The following SHC3 variants were observed in gnomAD, a reference collection of about 807,000 sequenced individuals.
SHC3 encodes SHC adaptor protein 3.
In SHC3, 15 loss-of-function variants were observed where a neutral mutation model predicts 60.4. The ratio of observed to expected loss-of-function variants is 0.25; its 90% CI spans 0.17 to 0.38. The LOEUF is 0.38. SHC3 is among the 10% of genes least tolerant of loss of function. The pLI is 1.00. For synonymous variants in SHC3, 294 were observed against 325.9 expected, an observed-to-expected ratio of 0.90 and a Z score of 1.05; for missense variants, 677 against 786.1, an observed-to-expected ratio of 0.86 and a Z score of 1.66.
At position 89,007,776 on chromosome 9, in the gene SHC3, A is replaced by G. The variant is rs9410438; in HGVS notation, c.*5671T>C. The G allele has an allele frequency of 0.14, 20,996 of 152,148 alleles. 1,997 individuals carry two copies. The highest frequency in any genetic ancestry group is 0.27 in the African/African-American group (11,102 of 41,432). The allele number at this position is 152,148 out of a possible 1,614,324, so 9.4% of individuals were successfully genotyped here. On this transcript the variant is annotated 3_prime_UTR_variant, in exon 12 of 12. Transcript: ENST00000375835. ...CCTTCTTCTTTCTTTGTCTTCCCCC[A>G]CTGGCTTCTCTGTCATTTCCCACAG...
intron 9 of SHC3, among the ~76,000 whole-genome samples, chr9:89,045,279 CTTTTTTT>C (rs35967148): frequency 8.2e-6 from 1 of 122,280 alleles, no homozygotes; most frequent in Non-Finnish European, 1.7e-5. Flanking sequence ...AACACTGTTG[CTTTTTTT>C]TTTTTTTTTT....
chr9:89,129,021 T>C (rs1264540220), intron 1 of SHC3, among the ~76,000 whole-genome samples: 4 of 152,044 alleles, frequency 2.6e-5, no homozygotes, highest in Non-Finnish European at 5.9e-5. Flanking sequence ...AAAGATTGGA[T>C]GAATGGCTAA....
Position 89,045,878 on chromosome 9 carries a change from C to T in SHC3, c.1114-45G>A. The T allele has an allele frequency of 2.5e-6, 4 of 1,588,430 alleles. 1 individual carries two copies. In the South Asian group the frequency reaches 4.4e-5, roughly 18 times the overall value. ...CACAGAATGAAAAAATTATTTTCTT[C>T]TCATTTCACCACTTTTGAAAGCCAC... On this transcript the variant is annotated intron_variant, in intron 8 of 11. Transcript: ENST00000375835.
intron 11 of SHC3, among the ~76,000 whole-genome samples, chr9:89,018,707 T>C (rs1186472923): frequency 6.6e-6 from 1 of 151,196 alleles, no homozygotes; most frequent in Non-Finnish European, 1.5e-5. Context: ...TTCTTTTTTT[T>C]TTTTAAAGAA....
At chr9:89,118,748 G>A (rs1398707463) in intron 1 of SHC3, among the ~76,000 whole-genome samples, 2 of 152,050 alleles carry the variant, frequency 1.3e-5, no homozygotes. Context: ...TAGAAATATT[G>A]AGCCAAGAAT....
chr9:89,077,993 AC>A (rs1345094860), intron 2 of SHC3, 90 bp from the exon 3 acceptor site: 38 of 1,428,058 alleles, frequency 2.7e-5, no homozygotes, highest in Non-Finnish European at 3.4e-5. Context: ...AAAGAAAATA[AC>A]TGCCTGTTTA....
intron 11 of SHC3, among the ~76,000 whole-genome samples, chr9:89,017,622 G>C (rs1826118777): frequency 6.6e-6 from 1 of 152,100 alleles, no homozygotes; most frequent in Non-Finnish European, 1.5e-5. Flanking sequence ...AAAAGCAATG[G>C]CAACAAAAGC....
chr9:89,025,336 C>A (rs573371757), intron 11 of SHC3, among the ~76,000 whole-genome samples: 1 of 152,286 alleles, frequency 6.6e-6, no homozygotes, highest in South Asian at 2.1e-4. Flanking sequence ...TGGATCCAGC[C>A]TAACCCAGGT....
intron 11 of SHC3, among the ~76,000 whole-genome samples, chr9:89,026,247 T>C (rs1587680788): frequency 2.5e-5 from 2 of 80,236 alleles, no homozygotes; most frequent in Admixed American, 3.6e-4. Flanking sequence ...AGAGTGAAAC[T>C]ACATCTCAAA....
At chr9:89,062,567 G>C (rs1825108627) in intron 6 of SHC3, among the ~76,000 whole-genome samples, 1 of 152,162 alleles carries the variant, frequency 6.6e-6, no homozygotes, top group Non-Finnish European at 1.5e-5. Context: ...AATCAGCACG[G>C]AAAAAGACAA....
At chr9:89,016,935 A>C (rs947417841) in intron 11 of SHC3, among the ~76,000 whole-genome samples, 3 of 152,194 alleles carry the variant, frequency 2.0e-5, no homozygotes, top group African/African-American at 7.2e-5. Flanking sequence ...ATGCAGACAA[A>C]GCATTTGACA....
At chr9:89,168,864 C>T (rs1276193226) in intron 1 of SHC3, among the ~76,000 whole-genome samples, 1 of 152,198 alleles carries the variant, frequency 6.6e-6, no homozygotes, top group East Asian at 1.9e-4. Context: ...AGCCTGACCC[C>T]TCCCCTGGAT....
At chr9:89,077,150 C>A (rs900208129) in intron 3 of SHC3, among the ~76,000 whole-genome samples, 3 of 151,500 alleles carry the variant, frequency 2.0e-5, no homozygotes, top group African/African-American at 7.3e-5. Flanking sequence ...GCACTCCAGC[C>A]CGGGGGATAG....
At chr9:89,073,053 C>A (rs1825299664) in intron 4 of SHC3, among the ~76,000 whole-genome samples, 1 of 152,152 alleles carries the variant, frequency 6.6e-6, no homozygotes, top group Non-Finnish European at 1.5e-5. Flanking sequence ...GTCTTTGCAG[C>A]TCTCTGGAAT....
intron 4 of SHC3, 33 bp downstream of exon 4, chr9:89,075,076 G>C (rs1470998858): frequency 5.6e-6 from 9 of 1,609,186 alleles, no homozygotes; most frequent in Non-Finnish European, 7.6e-6. Context: ...CTGGGGCTGT[G>C]GGCAGGGACA....
intron 5 of SHC3, among the ~76,000 whole-genome samples, chr9:89,066,289 A>C (rs1167287705): frequency 2.0e-5 from 3 of 152,162 alleles, no homozygotes; most frequent in Non-Finnish European, 2.9e-5. Context: ...CTAGAAGAAA[A>C]CCAGAGTGGA....
At position 89,076,260 on chromosome 9, in the gene SHC3, G is replaced by A. The variant is rs554105149; in HGVS notation, c.610-1032C>T. On this transcript the variant is annotated intron_variant, in intron 3 of 11. Transcript: ENST00000375835. ...GTTCCCCATGGACTGGCCAGAACAT[G>A]GGCTGGCACATCTGAGTCTTCATTC... Among the ~76,000 whole-genome samples, 4 of 152,246 alleles carry A rather than the reference G, an allele frequency of 2.6e-5. No individual in the cohort carries two copies. The South Asian group carries it at 6.2e-4, about 24-fold the overall frequency.
chr9:89,142,859 G>GT (rs1292613502), intron 1 of SHC3, among the ~76,000 whole-genome samples: 9 of 152,016 alleles, frequency 5.9e-5, no homozygotes, highest in African/African-American at 2.2e-4. Context: ...GGTCTCCTCA[G>GT]TATCATACCT....
At chr9:89,176,837 C>T (rs1045578656) in intron 1 of SHC3, among the ~76,000 whole-genome samples, 3 of 152,200 alleles carry the variant, frequency 2.0e-5, no homozygotes, top group Non-Finnish European at 2.9e-5. Flanking sequence ...TAAAGGCAAT[C>T]CACAAAGTTA....
Sources: allele counts gnomAD v4.1 joint callset (sites outside exome capture counted in the v4.1 genomes callset), GRCh38; gene constraint gnomAD v4.1.1; transcripts MANE v1.5; gene names NCBI Gene and HGNC (gene_info 2026-07-23, HGNC 2026-07-21).